JKAMP: variants seen among roughly 807,000 people sequenced by gnomAD.
The protein encoded by JKAMP is JNK1/MAPK8-associated membrane protein.
Under a neutral mutation model 40.2 loss-of-function variants are expected in JKAMP, and 20 were observed. That is an observed-to-expected ratio of 0.50 (90% CI 0.35 to 0.72). The LOEUF (loss-of-function observed/expected upper bound fraction) is 0.72. JKAMP is among the 30% of genes least tolerant of loss of function. The pLI is 0.01. For synonymous variants in JKAMP, 138 were observed against 131.6 expected (o/e 1.05, Z -0.33); for missense variants, 276 against 373.0 (o/e 0.74, Z 2.14).
chr14:59,494,856 A>G (rs1285787265), intron 3 of JKAMP, among the ~76,000 whole-genome samples, 162 bp from the exon 4 acceptor site: 1 of 152,236 alleles, frequency 6.6e-6, no homozygotes, highest in Non-Finnish European at 1.5e-5. Flanking sequence ...TAATACTGCT[A>G]CAGTGTTATT....
At position 59,504,992 on chromosome 14, in the gene JKAMP, C is replaced by T. The variant is rs1892243511; in HGVS notation, c.*920C>T. The T allele has an allele frequency of 1.3e-5, 4 of 306,706 alleles. No individual in the cohort carries two copies. The highest frequency in any genetic ancestry group is 2.4e-5 in the Non-Finnish European group (4 of 165,482). The allele number at this position is 306,706 out of a possible 1,614,324, so 19.0% of individuals were successfully genotyped here. On this transcript the variant is annotated 3_prime_UTR_variant, in exon 7 of 7. Coordinates refer to ENST00000616435, the MANE Select transcript of JKAMP (RefSeq NM_016475.5). ...TCTGTGATGTTTATGCTTTGAAGGC[C>T]TTAAGACTCATGGTTGCAACCATGG...
At position 59,484,554 on chromosome 14, in the gene JKAMP, A is replaced by G; in HGVS notation, c.-36A>G. 6.4e-7 allele frequency: 1 copy of G among 1,567,244 alleles called. No individual in the cohort carries two copies. ...TTCGGTGCAGCTGCCAGATCCGCTG[A>G]TCTAGTGCTTCTCGAAAAAAACCTT... On this transcript the variant is annotated 5_prime_UTR_variant, in exon 1 of 7. Coordinates refer to ENST00000616435, the MANE Select transcript of JKAMP (RefSeq NM_016475.5).
At chr14:59,501,116 C>G (rs1891844949) in intron 5 of JKAMP, 75 bp from the exon 6 acceptor site, 2 of 928,320 alleles carry the variant, frequency 2.2e-6, no homozygotes, top group Admixed American at 2.2e-5. Context: ...AGGAAAATTA[C>G]TATTTGAATT....
chr14:59,489,875 G>A (rs1212869333), intron 3 of JKAMP, among the ~76,000 whole-genome samples: 1 of 109,992 alleles, frequency 9.1e-6, no homozygotes, highest in East Asian at 2.0e-4. Context: ...AGGGGGAGGA[G>A]GTACCTCTTT....
rs1892171683 is a variant in JKAMP at position 59,504,156 on chromosome 14, C to G, written c.*84C>G. 2.6e-6 allele frequency: 2 copies of G among 769,668 alleles called. No individual in the cohort carries two copies. The highest frequency in any genetic ancestry group is 2.4e-5 in the Admixed American group (1 of 42,434). The allele number at this position is 769,668 out of a possible 1,614,324, so 47.7% of individuals were successfully genotyped here. A position where few individuals can be genotyped will look rare whatever the true frequency, so the allele number is the denominator to read the frequency against. ...ATCTTAACAGTGTATGAGAACTATT[C>G]TATCATATATGGGAACAAGATTGTC... is the stretch of plus-strand genomic sequence containing the variant. On this transcript the variant is annotated 3_prime_UTR_variant, in exon 7 of 7. Coordinates refer to ENST00000616435, the MANE Select transcript of JKAMP (RefSeq NM_016475.5).
At chr14:59,494,476 C>T (rs2139886387) in intron 3 of JKAMP, among the ~76,000 whole-genome samples, 1 of 152,238 alleles carries the variant, frequency 6.6e-6, no homozygotes, top group Non-Finnish European at 1.5e-5. Context: ...AGTGTGATAT[C>T]ATTCAAAAAT....
chr14:59,486,534 T>C, intron 1 of JKAMP, 179 bp from the exon 2 acceptor site: 1 of 595,186 alleles, frequency 1.7e-6, no homozygotes, highest in Admixed American at 3.0e-5. Flanking sequence ...AGGATAACTG[T>C]CTGCAGTGTC....
At chr14:59,495,468 A>C (rs1891373774) in intron 4 of JKAMP, among the ~76,000 whole-genome samples, 1 of 152,216 alleles carries the variant, frequency 6.6e-6, no homozygotes, top group South Asian at 2.1e-4. Context: ...TAGATACCAT[A>C]TAACTTACAT....
intron 3 of JKAMP, among the ~76,000 whole-genome samples, chr14:59,489,055 T>C (rs1370675521): frequency 6.6e-6 from 1 of 152,268 alleles, no homozygotes; most frequent in Non-Finnish European, 1.5e-5. Context: ...AGCACTTGGC[T>C]CTCTTTTAGC....
At chr14:59,498,934 A>T (rs1268365742) in intron 5 of JKAMP, 26 bp downstream of exon 5, 4 of 1,382,044 alleles carry the variant, frequency 2.9e-6, no homozygotes, top group Non-Finnish European at 4.0e-6. Flanking sequence ...AAAGTCAATG[A>T]AATATATTTA....
chr14:59,484,663 G>A, intron 1 of JKAMP, 70 bp downstream of exon 1: 1 of 1,535,250 alleles, frequency 6.5e-7, no homozygotes, highest in Non-Finnish European at 8.8e-7. Flanking sequence ...GGCTGGCCTC[G>A]GGCTCGGCTC....
chr14:59,502,760 T>TGTTTTGTTTTGTTTTGTTTTTTTTG (rs760996086), intron 6 of JKAMP, among the ~76,000 whole-genome samples: 4 of 130,112 alleles, frequency 3.1e-5, no homozygotes, highest in Non-Finnish European at 4.9e-5. Flanking sequence ...ATTTTTTTTT[T>TGTTTTGTTTTGTTTTGTTTTTTTTG]TTTTTTTTTT....
chr14:59,486,410 A>G (rs1456472706), intron 1 of JKAMP, among the ~76,000 whole-genome samples: 2 of 152,222 alleles, frequency 1.3e-5, no homozygotes, highest in Non-Finnish European at 2.9e-5. Flanking sequence ...ATAATCAGTT[A>G]AACTCAGAAG....
chr14:59,497,106 T>C (rs1056577017), intron 4 of JKAMP, among the ~76,000 whole-genome samples: 5 of 151,870 alleles, frequency 3.3e-5, no homozygotes, highest in Non-Finnish European at 4.4e-5. Flanking sequence ...CCAATGTATA[T>C]ATAGCCTAGT....
At chr14:59,494,961 T>G (rs1346938730) in intron 3 of JKAMP, 57 bp from the exon 4 acceptor site, 1 of 1,223,304 alleles carries the variant, frequency 8.2e-7, no homozygotes, top group Non-Finnish European at 1.2e-6. Flanking sequence ...CATGTTTTAT[T>G]AAAGCCATTT....
In JKAMP at chr14:59,505,171, G is replaced by T; in HGVS notation, c.*1099G>T. 1 of 737,034 alleles carries T rather than the reference G, an allele frequency of 1.4e-6. No individual in the cohort carries two copies. Among genetic ancestry groups the T allele is most frequent in the South Asian group, 2.5e-5 (1 of 40,400 alleles). The allele number at this position is 737,034 out of a possible 1,614,324, so 45.7% of individuals were successfully genotyped here. A position where few individuals can be genotyped will look rare whatever the true frequency, so the allele number is the denominator to read the frequency against. On this transcript the variant is annotated 3_prime_UTR_variant, in exon 7 of 7. Transcript: ENST00000616435. The stretch of plus-strand genomic sequence containing the variant: ...ACTTCTATTAACAGCTGCAAAATAT[G>T]AAAGTAAGTGCACTCACTTTTCCTG...
chr14:59,492,992 G>A (rs970107043), intron 3 of JKAMP, among the ~76,000 whole-genome samples: 1 of 151,912 alleles, frequency 6.6e-6, no homozygotes, highest in African/African-American at 2.4e-5. Flanking sequence ...TAGAGACGGG[G>A]TTTCACTGTG....
chr14:59,493,443 C>G (rs775957589), intron 3 of JKAMP, among the ~76,000 whole-genome samples: 7 of 152,106 alleles, frequency 4.6e-5, no homozygotes, highest in Non-Finnish European at 1.0e-4. Flanking sequence ...CCCAGTTGAG[C>G]CCAGTCACAT....
chr14:59,499,228 A>G (rs1202466026), intron 5 of JKAMP, among the ~76,000 whole-genome samples: 2 of 151,640 alleles, frequency 1.3e-5, no homozygotes, highest in Admixed American at 6.6e-5. Flanking sequence ...GGGTTTCACC[A>G]TGTTGGCCAC....
Sources: allele counts gnomAD v4.1 joint callset (sites outside exome capture counted in the v4.1 genomes callset), GRCh38; gene constraint gnomAD v4.1.1; transcripts MANE v1.5; gene names NCBI Gene and HGNC (gene_info 2026-07-23, HGNC 2026-07-21).